The following OR3A2 variants were observed in gnomAD, a reference collection of about 807,000 sequenced individuals.
OR3A2 encodes olfactory receptor family 3 subfamily A member 2.
For synonymous variants in OR3A2, 126 were observed against 159.3 expected, an observed-to-expected ratio of 0.79 and a Z score of 1.57; for missense variants, 318 against 392.8, an observed-to-expected ratio of 0.81 and a Z score of 1.61.
chr17:3,338,431 C>G (rs914570406), intron 2 of OR3A2, among the ~76,000 whole-genome samples: 3 of 152,092 alleles, frequency 2.0e-5, no homozygotes, highest in African/African-American at 7.2e-5. Flanking sequence ...TTTAATCCAT[C>G]TTGAATTAAT....
At chr17:3,328,887 CA>C (rs776947807) in intron 3 of OR3A2, among the ~76,000 whole-genome samples, 2 of 151,244 alleles carry the variant, frequency 1.3e-5, no homozygotes, top group Non-Finnish European at 2.9e-5. Flanking sequence ...TACGTCCCAT[CA>C]ATACCTAATT....
At position 3,350,399 on chromosome 17, in the gene OR3A2, A is replaced by G. The variant is rs1184146001; in HGVS notation, c.-178-14273T>C. ...ACAAACTACCATCAGAGAATACTAC[A>G]AACACCTCTACGCAAATAAACTAGA... On this transcript the variant is annotated intron_variant, in intron 2 of 4. Transcript: ENST00000573491. 3.9e-3 allele frequency among the ~76,000 whole-genome samples: 591 copies of G among 149,800 alleles called. 3 individuals carry two copies. Among genetic ancestry groups the G allele is most frequent in the African/African-American group, 0.014 (579 of 41,088 alleles).
In OR3A2 at chr17:3,298,083, G is replaced by A. The variant is rs139024195; in HGVS notation, c.-84-18930C>T. Among the ~76,000 whole-genome samples the A allele has an allele frequency of 6.2e-3, 946 of 152,256 alleles. 9 individuals are homozygous for A. The highest frequency in any genetic ancestry group is 0.022 in the African/African-American group (902 of 41,546). ...GTTAAAACAATCCATTCACGGAGATGTCTTTTTGATAGAACATCTCAAAAG... is the reference window on the plus strand; with the variant it reads ...GTTAAAACAATCCATTCACGGAGATATCTTTTTGATAGAACATCTCAAAAG... On this transcript the variant is annotated intron_variant, in intron 3 of 4. Coordinates refer to the OR3A2 transcript ENST00000573491.
At chr17:3,362,797 A>C (rs1449518430) in intron 2 of OR3A2, among the ~76,000 whole-genome samples, 1 of 151,728 alleles carries the variant, frequency 6.6e-6, no homozygotes, top group East Asian at 1.9e-4. Flanking sequence ...AGATGTTTCC[A>C]TACATCCTCT....
intron 2 of OR3A2, among the ~76,000 whole-genome samples, chr17:3,343,435 T>A (rs557934576): frequency 6.6e-6 from 1 of 152,196 alleles, no homozygotes; most frequent in Non-Finnish European, 1.5e-5. Flanking sequence ...CAATAAGAAA[T>A]TGACTCACTG....
chr17:3,282,387 C>T (rs1246170935), intron 1 of OR3A2, among the ~76,000 whole-genome samples: 1 of 150,936 alleles, frequency 6.6e-6, no homozygotes, highest in Non-Finnish European at 1.5e-5. Context: ...GCCTGGGCGA[C>T]TCCGTCTGAG....
intron 2 of OR3A2, among the ~76,000 whole-genome samples, chr17:3,347,169 G>A (rs1430009774): frequency 6.6e-6 from 1 of 151,890 alleles, no homozygotes; most frequent in African/African-American, 2.4e-5. Context: ...GTGTATAAGG[G>A]TTCCCTTTTC....
chr17:3,374,679 TC>T (rs1381273444), intron 2 of OR3A2, among the ~76,000 whole-genome samples: 1 of 152,164 alleles, frequency 6.6e-6, no homozygotes, highest in Non-Finnish European at 1.5e-5. Context: ...GGAGACATTT[TC>T]CCCCATGGTC....
chr17:3,279,388 C>T (rs1455019963), intron 1 of OR3A2, among the ~76,000 whole-genome samples: 1 of 152,228 alleles, frequency 6.6e-6, no homozygotes, highest in Non-Finnish European at 1.5e-5. Flanking sequence ...AAGGCTTCCT[C>T]TATGAATATA....
At chr17:3,314,162 C>T (rs1272909560) in intron 3 of OR3A2, among the ~76,000 whole-genome samples, 1 of 152,144 alleles carries the variant, frequency 6.6e-6, no homozygotes, top group Non-Finnish European at 1.5e-5. Flanking sequence ...GAAGTACCTC[C>T]TTCTTGCAAA....
intron 2 of OR3A2, among the ~76,000 whole-genome samples, 156 bp from the exon 2 acceptor site, chr17:3,336,282 AATT>A: frequency 6.6e-6 from 1 of 152,344 alleles, no homozygotes. Context: ...CTATTGTCTA[AATT>A]TTAAACATTT....
At chr17:3,280,273 ATTT>A (rs200615690) in intron 1 of OR3A2, among the ~76,000 whole-genome samples, 2 of 141,286 alleles carry the variant, frequency 1.4e-5, no homozygotes. Flanking sequence ...CATTTTTCAG[ATTT>A]TTTTTTTTTT....
intron 2 of OR3A2, among the ~76,000 whole-genome samples, chr17:3,350,305 A>C (rs1352099066): frequency 3.3e-5 from 5 of 151,192 alleles, no homozygotes. Context: ...TAAAGAAAAA[A>C]AGAGATAAGA....
chr17:3,370,761 GAGGACCCTGCGGCCTTCCGC>G (rs2049608313), intron 2 of OR3A2, among the ~76,000 whole-genome samples: 1 of 151,194 alleles, frequency 6.6e-6, no homozygotes, highest in African/African-American at 2.4e-5. Flanking sequence ...TTCCTAGGCA[GAGGACCCTGCGGCCTTCCGC>G]AGTGTTTGTG....
intron 3 of OR3A2, chr17:3,292,691 C>T (rs2048887314): frequency 1.5e-5 from 14 of 936,468 alleles, no homozygotes; most frequent in East Asian, 2.6e-5. Flanking sequence ...CCCTCTGCCA[C>T]GTTCCCTCTG....
chr17:3,363,049 G>A (rs2049531836), intron 2 of OR3A2, among the ~76,000 whole-genome samples: 1 of 151,732 alleles, frequency 6.6e-6, no homozygotes, highest in Non-Finnish European at 1.5e-5. Flanking sequence ...TTCCCTCTTA[G>A]GCCTCTGGGC....
At chr17:3,276,415 G>A (rs1184424823), downstream of OR3A2, among the ~76,000 whole-genome samples, 3 of 152,174 alleles carry the variant, frequency 2.0e-5, no homozygotes, top group African/African-American at 4.8e-5. Context: ...TGTCAGAGGC[G>A]TAAACTCTGA....
At chr17:3,348,012 T>C (rs202175682) in intron 2 of OR3A2, among the ~76,000 whole-genome samples, 1 of 152,242 alleles carries the variant, frequency 6.6e-6, no homozygotes, top group East Asian at 1.9e-4. Flanking sequence ...TGAGCATTTT[T>C]TCATGTGTTT....
At chr17:3,384,421 T>G (rs181505757) in intron 1 of OR3A2, among the ~76,000 whole-genome samples, 1 of 152,324 alleles carries the variant, frequency 6.6e-6, no homozygotes, top group Admixed American at 6.5e-5. Context: ...ATGCCTCCTC[T>G]GCCAACAACT....
Sources: gnomAD v4.1 joint callset for allele counts (sites outside exome capture counted in the v4.1 genomes callset) on GRCh38, gnomAD v4.1.1 for gene constraint, MANE v1.5 for transcripts, NCBI Gene and HGNC (gene_info 2026-07-23, HGNC 2026-07-21) for gene names.